ASH1L: variants seen among roughly 807,000 people sequenced by gnomAD.
ASH1L encodes histone-lysine N-methyltransferase ASH1L.
In ASH1L, 23 loss-of-function variants were observed where a neutral mutation model predicts 269.0. The ratio of observed to expected loss-of-function variants is 0.09; its 90% CI spans 0.06 to 0.12. ASH1L has a LOEUF of 0.12. Ranked by LOEUF, ASH1L falls within the 10% of genes least tolerant of loss-of-function variation. The pLI, the probability that ASH1L is intolerant of heterozygous loss-of-function variation, is 1.00. For synonymous variants in ASH1L, 1,187 were observed against 1,253.5 expected, an observed-to-expected ratio of 0.95 and a Z score of 1.12; for missense variants, 2,912 against 3,567.8, an observed-to-expected ratio of 0.82 and a Z score of 4.68.
At chr1:155,463,921 T>G (rs988063829) in intron 3 of ASH1L, among the ~76,000 whole-genome samples, 2 of 152,164 alleles carry the variant, frequency 1.3e-5, no homozygotes, top group African/African-American at 4.8e-5. Context: ...GTACTACTCA[T>G]ATAGGCACCT....
chr1:155,541,561 T>C (rs1027929421), intron 1 of ASH1L, among the ~76,000 whole-genome samples: 1 of 152,154 alleles, frequency 6.6e-6, no homozygotes, highest in Non-Finnish European at 1.5e-5. Context: ...CAATATAAAC[T>C]ATACTTACAA....
chr1:155,551,392 G>A (rs1006143175), intron 1 of ASH1L, among the ~76,000 whole-genome samples: 4 of 152,106 alleles, frequency 2.6e-5, no homozygotes, highest in Admixed American at 1.3e-4. Context: ...CGGGCGCAGT[G>A]GCTCACGCCT....
At chr1:155,415,991 TAAA>T in intron 5 of ASH1L, 68 bp from the exon 6 acceptor site, 1 of 1,033,046 alleles carries the variant, frequency 9.7e-7, no homozygotes, top group Non-Finnish European at 1.3e-6. Context: ...ATTGTCTACT[TAAA>T]AAAAAAAAAC....
intron 2 of ASH1L, among the ~76,000 whole-genome samples, chr1:155,519,390 C>T (rs1005872912): frequency 6.6e-6 from 1 of 151,910 alleles, no homozygotes. Context: ...GAGCCGAGAT[C>T]GCGCCATTGC....
rs1652987549 is a variant in ASH1L, at chr1:155,343,551, A to G, written c.8120+53T>C. 16 of 1,612,052 alleles carry G rather than the reference A, an allele frequency of 9.9e-6. No homozygotes were observed. In the East Asian group the frequency reaches 3.6e-4, roughly 36 times the overall value. On this transcript the variant is annotated intron_variant, in intron 23 of 27. Transcript: ENST00000392403. This position sits in a 1 kb window ranked among gnomAD's most constrained non-coding sequence, Gnocchi z 6.1. ...ATTAGCAAGATCCTAGTGAACATTCAGCTCCACTGGTACAGCACGGCTGGA... is the reference window on the plus strand; with the variant it reads ...ATTAGCAAGATCCTAGTGAACATTCGGCTCCACTGGTACAGCACGGCTGGA...
At chr1:155,439,645 A>AG (rs1209220575) in intron 4 of ASH1L, among the ~76,000 whole-genome samples, 4 of 152,148 alleles carry the variant, frequency 2.6e-5, no homozygotes, top group African/African-American at 9.7e-5. Context: ...GGCTGCAGTG[A>AG]GTCACTGCAC....
At chr1:155,497,707 T>G (rs1270880084) in intron 2 of ASH1L, among the ~76,000 whole-genome samples, 1 of 152,016 alleles carries the variant, frequency 6.6e-6, no homozygotes, top group Admixed American at 6.6e-5. Flanking sequence ...AAGGGTCAAA[T>G]GTACACACAA....
chr1:155,509,501 T>C (rs759930312), intron 2 of ASH1L, among the ~76,000 whole-genome samples: 4 of 152,074 alleles, frequency 2.6e-5, no homozygotes, highest in Non-Finnish European at 5.9e-5. Context: ...ATGGACTTCT[T>C]AAAAATAGTG....
chr1:155,404,012 C>T (rs1659062852), intron 6 of ASH1L, among the ~76,000 whole-genome samples: 2 of 147,962 alleles, frequency 1.4e-5, no homozygotes, highest in Non-Finnish European at 3.0e-5. Flanking sequence ...GCCAAGAACG[C>T]ACCATTGCAC....
chr1:155,490,614 T>TCACACACACACACACACACACACA (rs144278501), intron 2 of ASH1L, among the ~76,000 whole-genome samples: 2 of 142,310 alleles, frequency 1.4e-5, no homozygotes, highest in African/African-American at 5.4e-5. Context: ...CCAGACTACG[T>TCACACACACACACACACACACACA]CACACACACA....
Position 155,424,997 on chromosome 1 carries a change from G to T in ASH1L, c.5829-9074C>A, listed in dbSNP as rs186826982. On this transcript the variant is annotated intron_variant, in intron 5 of 27. Transcript: ENST00000392403. ...TTTTGTGTTTTTTTTTTGAGACAGA[G>T]CCTTACTCTGTGGCCAGGCTGGAGT... 2.9e-3 allele frequency among the ~76,000 whole-genome samples: 439 copies of T among 151,350 alleles called. 2 individuals are homozygous for T. The highest frequency in any genetic ancestry group is 4.9e-3 in the Non-Finnish European group (329 of 67,784).
intron 2 of ASH1L, among the ~76,000 whole-genome samples, chr1:155,487,501 G>A (rs1217396292): frequency 6.6e-6 from 1 of 152,012 alleles, no homozygotes; most frequent in Non-Finnish European, 1.5e-5. Context: ...CCAAGTCTGG[G>A]ACTGCAGGCA....
chr1:155,517,467 A>G (rs1325046591), intron 2 of ASH1L, among the ~76,000 whole-genome samples: 2 of 152,052 alleles, frequency 1.3e-5, no homozygotes, highest in African/African-American at 4.8e-5. Context: ...TGTCTCTACT[A>G]AAAGTACAAA....
chr1:155,525,389 C>A (rs560010980), intron 1 of ASH1L, among the ~76,000 whole-genome samples: 26 of 152,068 alleles, frequency 1.7e-4, no homozygotes, highest in Non-Finnish European at 2.4e-4. Flanking sequence ...AAACTTGACA[C>A]GGACCCATTT....
At chr1:155,371,032 TG>T (rs1243834998) in intron 10 of ASH1L, 49 bp from the exon 11 acceptor site, 1 of 1,504,922 alleles carries the variant, frequency 6.6e-7, no homozygotes, top group Non-Finnish European at 9.1e-7. Flanking sequence ...ATACATACCT[TG>T]ATGCATCCAT....
intron 5 of ASH1L, among the ~76,000 whole-genome samples, chr1:155,430,693 G>A (rs1661527993): frequency 6.6e-6 from 1 of 151,980 alleles, no homozygotes; most frequent in Admixed American, 6.6e-5. Context: ...GACTCTTACT[G>A]TTATACATTT....
intron 2 of ASH1L, among the ~76,000 whole-genome samples, chr1:155,502,255 A>G (rs1019751001): frequency 3.3e-5 from 5 of 151,480 alleles, no homozygotes; most frequent in African/African-American, 1.2e-4. Context: ...TATTTTTAGT[A>G]GAAATGGGGT....
rs140950214 is a variant in ASH1L, at chr1:155,338,147, T to C, written c.8745A>G (p.Gln2915=). The C allele has an allele frequency of 1.4e-5, 22 of 1,614,020 alleles. No homozygotes were observed. Among genetic ancestry groups the C allele is most frequent in the Admixed American group, 1.7e-5 (1 of 59,980 alleles). The stretch of plus-strand genomic sequence containing the variant: ...GCAAGATCTGGTTGAGTCGTTCCCG[T>C]TGGTTATGCCGTCGTTCCTCAGGGG... ...TCTPEERRHN[Q]RERLNQILLN... The change falls in exon 27 of 28, where the codon CAA becomes CAG. Residue 2915 remains glutamine, a synonymous_variant. Transcript: ENST00000392403.
At chr1:155,422,225 C>T (rs1049341525) in intron 5 of ASH1L, among the ~76,000 whole-genome samples, 2 of 151,628 alleles carry the variant, frequency 1.3e-5, no homozygotes, top group South Asian at 2.1e-4. Flanking sequence ...GCAACCCTAC[C>T]TCCTGGGTTC....
Sources: gnomAD v4.1 joint callset for allele counts (sites outside exome capture counted in the v4.1 genomes callset) on GRCh38, gnomAD v4.1.1 for gene constraint, Gnocchi (gnomAD v3.1) non-coding constraint, MANE v1.5 for transcripts, NCBI Gene and HGNC (gene_info 2026-07-23, HGNC 2026-07-21) for gene names.